The following ALG8 variants were observed in gnomAD, a reference collection of about 807,000 sequenced individuals.
The protein encoded by ALG8 is dolichyl pyrophosphate Glc1Man9GlcNAc2 alpha-1,3-glucosyltransferase.
A neutral mutation model predicts 70.2 loss-of-function variants in ALG8; 48 were observed. The ratio of observed to expected loss-of-function variants is 0.68; its 90% CI spans 0.54 to 0.87. The LOEUF is 0.87. ALG8 is among the 40% of genes least tolerant of loss of function. The pLI is 0.00. For missense variants in ALG8, 572 were observed against 608.7 expected (o/e 0.94, Z 0.64); for synonymous variants, 234 against 229.0 (o/e 1.02, Z -0.20).
At chr11:78,121,317 T>C in intron 3 of ALG8, 143 bp from the exon 4 acceptor site, 1 of 711,550 alleles carries the variant, frequency 1.4e-6, no homozygotes, top group East Asian at 2.7e-5. Context: ...ATTTTTCTTT[T>C]TCTTTTTTTA....
rs1272806056 is a variant in ALG8 at position 78,139,576 on chromosome 11, T to C, written c.13A>G (p.Thr5Ala). 3.9e-6 allele frequency: 6 copies of C among 1,556,512 alleles called. No individual in the cohort carries two copies. Among genetic ancestry groups the C allele is most frequent in the Admixed American group, 1.9e-5 (1 of 51,748 alleles). Reference protein sequence around the residue: MAALTIATGTGNWFS... With the variant: MAALAIATGTGNWFS... ...CAATTGCCAGTACCCGTGGCAATTG[T>C]GAGCGCCGCCATTGCTGCGGCACCG... Residue 5 changes from threonine (T) to alanine (A), a missense_variant, in exon 1 of 13, where the codon ACA becomes GCA. Transcript: ENST00000299626.
At chr11:78,114,740 A>C in intron 5 of ALG8, 1 of 445,972 alleles carries the variant, frequency 2.2e-6, no homozygotes, top group Non-Finnish European at 4.5e-6. Context: ...CCGACGTGGA[A>C]GGATTGCTTG....
At chr11:78,106,665 G>T in intron 10 of ALG8, 142 bp downstream of exon 10, 1 of 1,061,512 alleles carries the variant, frequency 9.4e-7, no homozygotes, top group Non-Finnish European at 1.4e-6. Context: ...AAGCATCCCT[G>T]TCCTGTCCTA....
In ALG8 at chr11:78,104,432, T is replaced by G; in HGVS notation, c.1200A>C (p.Ala400=). ...LPMSLLSVGK[A]GDASIFLILT... Reference sequence around the variant, plus strand: ...GAATCAGAAAAATCGAAGCGTCTCCTGCTTTTCCCACAGACAAAAGGCTAA... The same window carrying G: ...GAATCAGAAAAATCGAAGCGTCTCCGGCTTTTCCCACAGACAAAAGGCTAA... The change falls in exon 11 of 13, where the codon GCA becomes GCC. Residue 400 remains alanine (A), a synonymous_variant. Coordinates refer to ENST00000299626, the MANE Select transcript of ALG8 (RefSeq NM_024079.5). 6.3e-7 allele frequency: 1 copy of G among 1,592,652 alleles called. No individual in the cohort carries two copies. Among genetic ancestry groups the G allele is most frequent in the Non-Finnish European group, 8.6e-7 (1 of 1,169,096 alleles).
chr11:78,112,877 T>A (rs989997744), intron 7 of ALG8, 107 bp from the exon 8 acceptor site: 1 of 1,400,978 alleles, frequency 7.1e-7, no homozygotes, highest in Admixed American at 2.1e-5. Context: ...AGTTATGGGG[T>A]CTGGGTTCTA....
At chr11:78,122,225 T>G (rs779216033) in intron 3 of ALG8, among the ~76,000 whole-genome samples, 1 of 152,200 alleles carries the variant, frequency 6.6e-6, no homozygotes, top group Non-Finnish European at 1.5e-5. Flanking sequence ...TTTCGCCCTA[T>G]GGAGCCTCAG....
At chr11:78,102,696 T>C (rs572076) in intron 12 of ALG8, among the ~76,000 whole-genome samples, 19,996 of 152,226 alleles carry the variant, frequency 0.13, 1,506 homozygotes, top group East Asian at 0.28. Flanking sequence ...CTCACACCTG[T>C]AATGCCAGCA....
chr11:78,115,790 G>C (rs1218200319), intron 5 of ALG8, among the ~76,000 whole-genome samples: 1 of 152,204 alleles, frequency 6.6e-6, no homozygotes, highest in Non-Finnish European at 1.5e-5. Flanking sequence ...CATGTCATCA[G>C]TAATAACATA....
chr11:78,104,829 T>C, intron 10 of ALG8, among the ~76,000 whole-genome samples: 1 of 152,032 alleles, frequency 6.6e-6, no homozygotes, highest in South Asian at 2.1e-4. Context: ...CTGGGCATGG[T>C]GGCGGGTGCT....
intron 12 of ALG8, among the ~76,000 whole-genome samples, chr11:78,102,161 C>T (rs1075202): frequency 0.36 from 54,510 of 152,108 alleles, 11,331 homozygotes; most frequent in Non-Finnish European, 0.45. Context: ...ATGCGCCCAT[C>T]GCCACTATCC....
chr11:78,119,242 A>G lies in ALG8; in HGVS notation c.486T>C (p.His162=), dbSNP rs759999973. The G allele has an allele frequency of 6.2e-7, 1 of 1,610,914 alleles. No individual in the cohort carries two copies. Among genetic ancestry groups the G allele is most frequent in the Non-Finnish European group, 8.5e-7 (1 of 1,177,256 alleles). Residue 162 remains histidine, a synonymous_variant, in exon 5 of 13, where the codon CAT becomes CAC. Transcript: ENST00000299626. ...CAAATAAAAAGCCATTGTACTGAAA[A>G]TGAATATCTGGACTTAGGTCAAGGA... The part of the protein sequence containing the change: ...NFGLLIVDHI[H]FQYNGFLFGL...
At chr11:78,132,816 C>G (rs1323055288) in intron 1 of ALG8, among the ~76,000 whole-genome samples, 1 of 134,130 alleles carries the variant, frequency 7.5e-6, no homozygotes, top group Non-Finnish European at 1.5e-5. Context: ...CTGATAGGAT[C>G]CTGTTCTTCT....
chr11:78,137,906 C>T (rs1861616474), intron 1 of ALG8, among the ~76,000 whole-genome samples: 1 of 152,032 alleles, frequency 6.6e-6, no homozygotes, highest in Non-Finnish European at 1.5e-5. Flanking sequence ...GGAGAGTTAC[C>T]GCAGCCTTCA....
At chr11:78,131,099 G>A (rs1861291750) in intron 1 of ALG8, among the ~76,000 whole-genome samples, 1 of 146,904 alleles carries the variant, frequency 6.8e-6, no homozygotes, top group Admixed American at 6.6e-5. Flanking sequence ...ACTTTTTCCA[G>A]TCTCTTTTTT....
At chr11:78,135,376 A>C in intron 1 of ALG8, 1 of 151,464 alleles carries the variant, frequency 6.6e-6, no homozygotes. Context: ...AAAATCAACT[A>C]CTCAACTGGC....
chr11:78,135,518 C>T (rs116334676), intron 1 of ALG8, among the ~76,000 whole-genome samples: 3,223 of 151,878 alleles, frequency 0.021, 116 homozygotes, highest in African/African-American at 0.074. Context: ...TCCAGGCCGG[C>T]CTGAGCAACA....
At chr11:78,114,424 A>T in intron 5 of ALG8, 32 bp from the exon 6 acceptor site, 4 of 1,611,788 alleles carry the variant, frequency 2.5e-6, no homozygotes, top group Non-Finnish European at 3.4e-6. Flanking sequence ...TATCACTTTA[A>T]AATTCAGGGT....
chr11:78,119,414 AAATTTTTTTTTT>A (rs1288054194), intron 4 of ALG8, among the ~76,000 whole-genome samples, 165 bp from the exon 5 acceptor site: 4 of 149,504 alleles, frequency 2.7e-5, no homozygotes, highest in African/African-American at 1.0e-4. Flanking sequence ...AAACAGATTC[AAATTTTTTTTTT>A]AATTTTTTTT....
In ALG8 at chr11:78,119,243, T is replaced by A; in HGVS notation, c.485A>T (p.His162Leu). ...NFGLLIVDHI[H>L]FQYNGFLFGL... ...AAATAAAAAGCCATTGTACTGAAAA[T>A]GAATATCTGGACTTAGGTCAAGGAA... Residue 162 changes from histidine to leucine, a missense_variant, in exon 5 of 13, where the codon CAT becomes CTT. His to Leu is a moderately conservative substitution (Grantham distance 99). Coordinates refer to ENST00000299626, the MANE Select transcript of ALG8 (RefSeq NM_024079.5). 1 of 1,610,552 alleles carries A rather than the reference T, an allele frequency of 6.2e-7. No individual in the cohort carries two copies. The highest frequency in any genetic ancestry group is 1.1e-5 in the South Asian group (1 of 91,008).
Sources: gnomAD v4.1 joint callset for allele counts (sites outside exome capture counted in the v4.1 genomes callset) on GRCh38, gnomAD v4.1.1 for gene constraint, MANE v1.5 for transcripts, NCBI Gene and HGNC (gene_info 2026-07-23, HGNC 2026-07-21) for gene names.